The following IL1RAPL1 variants were observed in gnomAD, a reference collection of about 807,000 sequenced individuals.
IL1RAPL1 encodes the protein interleukin 1 receptor accessory protein like 1.
IL1RAPL1 carries 3 observed loss-of-function variants against 48.4 expected under a neutral mutation model. That is an observed-to-expected ratio of 0.06 (90% CI 0.03 to 0.16). The LOEUF is 0.16. Among genes scored for constraint, IL1RAPL1 ranks in the 10% least tolerant of loss-of-function variants. IL1RAPL1 has a pLI of 1.00. For synonymous variants in IL1RAPL1, 185 were observed against 187.7 expected, an observed-to-expected ratio of 0.99 and a Z score of 0.12; for missense variants, 349 against 530.6, an observed-to-expected ratio of 0.66 and a Z score of 3.36.
At chrX:29,525,326 T>A (rs147624083) in intron 5 of IL1RAPL1, among the ~76,000 whole-genome samples, 1,344 of 112,494 alleles carry the variant, frequency 0.012, 32 homozygotes, top group African/African-American at 0.041. Flanking sequence ...ATGAAGACTT[T>A]CAGCCATTGA....
chrX:29,426,448 G>A lies in IL1RAPL1; in HGVS notation c.703+27140G>A, dbSNP rs1455597376. Among the ~76,000 whole-genome samples, 5 of 111,050 alleles carry A rather than the reference G, an allele frequency of 4.5e-5. No homozygotes were observed. The East Asian group carries it at 1.4e-3, about 32-fold the overall frequency. ...TACTTTAGGCCTTGAGCCAAGTTTT[G>A]AACTCAGACCTCTCTGACTTTAAAA... On this transcript the variant is annotated intron_variant, in intron 5 of 10. Coordinates refer to ENST00000378993, the MANE Select transcript of IL1RAPL1 (RefSeq NM_014271.4).
intron 2 of IL1RAPL1, among the ~76,000 whole-genome samples, chrX:28,843,793 G>C (rs1410858201): frequency 9.0e-6 from 1 of 111,183 alleles, no homozygotes; most frequent in Non-Finnish European, 1.9e-5. Flanking sequence ...TTGGTGGCAA[G>C]AACAAGGGGA....
intron 5 of IL1RAPL1, among the ~76,000 whole-genome samples, chrX:29,623,908 A>G (rs1358956400): frequency 8.9e-6 from 1 of 111,972 alleles, no homozygotes; most frequent in African/African-American, 3.2e-5. Flanking sequence ...AAATAGAGAT[A>G]ACATCTTAGT....
rs142228720 is a variant in IL1RAPL1 at position 28,958,316 on chromosome X, T to A, written c.82+168891T>A. The stretch of plus-strand genomic sequence containing the variant: ...TAACCACCATTCTACTATCTACTTC[T>A]ATGAGTTCAACTTTAGTAGAACATG... On this transcript the variant is annotated intron_variant, in intron 2 of 10. Coordinates refer to ENST00000378993, the MANE Select transcript of IL1RAPL1 (RefSeq NM_014271.4). Among the ~76,000 whole-genome samples, 937 of 111,987 alleles carry A rather than the reference T, an allele frequency of 8.4e-3. 12 individuals carry two copies. The highest frequency in any genetic ancestry group is 0.029 in the African/African-American group (896 of 30,820).
At chrX:29,110,503 A>G (rs1222202634) in intron 2 of IL1RAPL1, among the ~76,000 whole-genome samples, 1 of 111,699 alleles carries the variant, frequency 9.0e-6, no homozygotes, top group Non-Finnish European at 1.9e-5. Flanking sequence ...AAAATGCTGC[A>G]AAGACTGGGA....
At chrX:28,836,333 A>G (rs1479774493) in intron 2 of IL1RAPL1, among the ~76,000 whole-genome samples, 1 of 55,576 alleles carries the variant, frequency 1.8e-5, no homozygotes, top group Non-Finnish European at 2.7e-5. Flanking sequence ...TTGCTTCCCA[A>G]TTTTATATAT....
chrX:28,795,950 G>A (rs1269230540), intron 2 of IL1RAPL1, among the ~76,000 whole-genome samples: 1 of 111,411 alleles, frequency 9.0e-6, no homozygotes, highest in Non-Finnish European at 1.9e-5. Context: ...AAAATAAAGA[G>A]GTTTAATTGG....
intron 2 of IL1RAPL1, among the ~76,000 whole-genome samples, chrX:28,995,776 A>C: frequency 9.0e-6 from 1 of 110,919 alleles, no homozygotes; most frequent in Admixed American, 9.7e-5. Context: ...GGGTAGTGGC[A>C]AAAAGAAAGA....
intron 2 of IL1RAPL1, among the ~76,000 whole-genome samples, chrX:28,889,322 T>C (rs986405507): frequency 2.7e-5 from 3 of 111,671 alleles, no homozygotes; most frequent in Admixed American, 9.6e-5. Context: ...CAAATGAGAA[T>C]ATATATTGAA....
intron 8 of IL1RAPL1, among the ~76,000 whole-genome samples, chrX:29,934,249 T>C (rs2056055020): frequency 9.0e-6 from 1 of 111,512 alleles, no homozygotes; most frequent in African/African-American, 3.3e-5. Flanking sequence ...TAAAGGTTAG[T>C]TAGCTGCTTC....
intron 2 of IL1RAPL1, among the ~76,000 whole-genome samples, chrX:28,851,434 T>C (rs1921660749): frequency 9.0e-6 from 1 of 111,592 alleles, no homozygotes; most frequent in Admixed American, 9.6e-5. Flanking sequence ...GGCGGTTAAG[T>C]ATTACCTAAA....
At chrX:29,437,384 T>C (rs1934493778) in intron 5 of IL1RAPL1, among the ~76,000 whole-genome samples, 1 of 110,906 alleles carries the variant, frequency 9.0e-6, no homozygotes, top group Non-Finnish European at 1.9e-5. Flanking sequence ...CTTTCCTAGC[T>C]ACGTATATTT....
intron 2 of IL1RAPL1, among the ~76,000 whole-genome samples, chrX:28,889,108 G>A (rs778595196): frequency 9.1e-6 from 1 of 110,417 alleles, no homozygotes; most frequent in East Asian, 2.8e-4. Flanking sequence ...TCCTATTTTG[G>A]GGTTCCTGGA....
At chrX:29,194,943 T>C (rs1040985634) in intron 2 of IL1RAPL1, among the ~76,000 whole-genome samples, 1 of 111,185 alleles carries the variant, frequency 9.0e-6, no homozygotes, top group Non-Finnish European at 1.9e-5. Flanking sequence ...GTCACCTCAG[T>C]TTATAGGTGA....
At position 29,666,315 on chromosome X, in the gene IL1RAPL1, A is replaced by G. The variant is rs139843567; in HGVS notation, c.704-2115A>G. 6.6e-3 allele frequency among the ~76,000 whole-genome samples: 727 copies of G among 110,419 alleles called. 5 individuals carry two copies. The highest frequency in any genetic ancestry group is 0.023 in the African/African-American group (703 of 30,393). On this transcript the variant is annotated intron_variant, in intron 5 of 10. Coordinates refer to ENST00000378993, the MANE Select transcript of IL1RAPL1 (RefSeq NM_014271.4). Reference sequence around the variant, plus strand: ...GTGAAATACTGATGTATAAGGTAAAATAAAAGCAGAACTAATTTTGTCAAA... The same window carrying G: ...GTGAAATACTGATGTATAAGGTAAAGTAAAAGCAGAACTAATTTTGTCAAA...
intron 2 of IL1RAPL1, among the ~76,000 whole-genome samples, chrX:28,818,853 A>G (rs1936898691): frequency 9.0e-6 from 1 of 111,079 alleles, no homozygotes; most frequent in Admixed American, 9.6e-5. Context: ...TTTCTCCCGT[A>G]CACTCTAGTT....
intron 9 of IL1RAPL1, among the ~76,000 whole-genome samples, chrX:29,949,434 C>T (rs1208013889): frequency 3.6e-5 from 4 of 111,375 alleles, no homozygotes; most frequent in Middle Eastern, 4.2e-3. Flanking sequence ...GCATATCTGC[C>T]GGGGTCTTTT....
intron 1 of IL1RAPL1, among the ~76,000 whole-genome samples, chrX:28,626,797 G>A (rs1473618727): frequency 1.8e-5 from 2 of 112,217 alleles, no homozygotes; most frequent in East Asian, 2.8e-4. Flanking sequence ...GTTCTGAGCC[G>A]CCCTGATGTG....
chrX:29,463,976 C>T (rs1251731556), intron 5 of IL1RAPL1, among the ~76,000 whole-genome samples: 1 of 111,526 alleles, frequency 9.0e-6, no homozygotes, highest in Admixed American at 9.6e-5. Context: ...CAGCCCAGTC[C>T]AGTCTTTATG....
Sources: allele counts gnomAD v4.1 joint callset (sites outside exome capture counted in the v4.1 genomes callset), GRCh38; gene constraint gnomAD v4.1.1; transcripts MANE v1.5; gene names NCBI Gene and HGNC (gene_info 2026-07-23, HGNC 2026-07-21).